SLC25A21: variants seen among roughly 807,000 people sequenced by gnomAD.
SLC25A21 encodes the protein mitochondrial 2-oxodicarboxylate carrier.
Under a neutral mutation model 43.8 loss-of-function variants are expected in SLC25A21, and 47 were observed. That is an observed-to-expected ratio of 1.07 (90% CI 0.85 to 1.37). SLC25A21 has a LOEUF of 1.37. SLC25A21 is among the 40% of genes most tolerant of loss of function. The pLI, the probability that SLC25A21 is intolerant of heterozygous loss-of-function variation, is 0.00. For synonymous variants in SLC25A21, 131 were observed against 121.3 expected, an observed-to-expected ratio of 1.08 and a Z score of -0.52; for missense variants, 352 against 350.2, an observed-to-expected ratio of 1.00 and a Z score of -0.04.
chr14:36,759,133 G>A (rs750632978), intron 3 of SLC25A21, among the ~76,000 whole-genome samples: 6 of 152,132 alleles, frequency 3.9e-5, no homozygotes, highest in Non-Finnish European at 8.8e-5. Context: ...CACAACTCTT[G>A]TAGGATTTTT....
intron 1 of SLC25A21, among the ~76,000 whole-genome samples, chr14:37,043,790 G>A (rs1476046430): frequency 3.9e-5 from 6 of 152,026 alleles, no homozygotes; most frequent in Non-Finnish European, 8.8e-5. Context: ...AGGCTGGAGT[G>A]CAGTGACAAT....
At chr14:37,066,148 T>C (rs1298019755) in intron 1 of SLC25A21, among the ~76,000 whole-genome samples, 7 of 152,152 alleles carry the variant, frequency 4.6e-5, no homozygotes, top group East Asian at 1.9e-4. Context: ...CTTCCAGATA[T>C]GACACTCGGA....
intron 1 of SLC25A21, among the ~76,000 whole-genome samples, chr14:36,989,703 G>A (rs900525534): frequency 4.6e-5 from 7 of 151,918 alleles, no homozygotes; most frequent in Admixed American, 3.3e-4. Context: ...CTAAAATATC[G>A]CTTAACGGCC....
At chr14:37,114,553 C>T (rs17106338) in intron 1 of SLC25A21, among the ~76,000 whole-genome samples, 3,014 of 152,208 alleles carry the variant, frequency 0.02, 34 homozygotes, top group Non-Finnish European at 0.026. Flanking sequence ...TAGTAAAACA[C>T]GCTATTTTTA....
chr14:36,869,942 T>C (rs1405105803), intron 2 of SLC25A21, among the ~76,000 whole-genome samples: 1 of 152,056 alleles, frequency 6.6e-6, no homozygotes, highest in Non-Finnish European at 1.5e-5. Flanking sequence ...AGTTTGACAA[T>C]GTGGAAATAG....
chr14:36,936,103 G>C (rs1892416958), intron 1 of SLC25A21, among the ~76,000 whole-genome samples: 1 of 152,098 alleles, frequency 6.6e-6, no homozygotes, highest in Non-Finnish European at 1.5e-5. Flanking sequence ...CACAGAAGTT[G>C]AGACAGCACC....
At chr14:37,122,791 T>C (rs1341807626) in intron 1 of SLC25A21, among the ~76,000 whole-genome samples, 1 of 152,184 alleles carries the variant, frequency 6.6e-6, no homozygotes, top group Non-Finnish European at 1.5e-5. Context: ...AAATGTTTTA[T>C]TGACGTTCTT....
At chr14:36,790,126 C>A (rs1444628022) in intron 3 of SLC25A21, among the ~76,000 whole-genome samples, 1 of 150,390 alleles carries the variant, frequency 6.6e-6, no homozygotes, top group African/African-American at 2.5e-5. Flanking sequence ...TTGGCCCCAG[C>A]ATCTACAAGG....
At chr14:37,043,783 C>A (rs1961524819) in intron 1 of SLC25A21, among the ~76,000 whole-genome samples, 1 of 151,996 alleles carries the variant, frequency 6.6e-6, no homozygotes. Context: ...GTCTCCCAGG[C>A]TGGAGTGCAG....
chr14:37,069,272 T>C (rs1186914748), intron 1 of SLC25A21, among the ~76,000 whole-genome samples: 1 of 151,898 alleles, frequency 6.6e-6, no homozygotes, highest in Non-Finnish European at 1.5e-5. Flanking sequence ...GATTCAGGGG[T>C]GTGGTTTTCA....
At chr14:36,894,713 C>T (rs1003844634) in intron 1 of SLC25A21, among the ~76,000 whole-genome samples, 2 of 152,132 alleles carry the variant, frequency 1.3e-5, no homozygotes, top group African/African-American at 4.8e-5. Flanking sequence ...AGATACTTCC[C>T]ATCAATACCT....
At chr14:36,714,949 G>A (rs1884060869) in intron 6 of SLC25A21, among the ~76,000 whole-genome samples, 1 of 152,192 alleles carries the variant, frequency 6.6e-6, no homozygotes, top group Admixed American at 6.5e-5. Context: ...ACCTTGTAAT[G>A]TGGGCAGCTG....
intron 2 of SLC25A21, among the ~76,000 whole-genome samples, chr14:36,838,512 T>A (rs1325449437): frequency 1.3e-5 from 2 of 152,166 alleles, no homozygotes; most frequent in Non-Finnish European, 2.9e-5. Context: ...GAATGTGACT[T>A]CATGGTCTGT....
At position 37,003,105 on chromosome 14, in the gene SLC25A21, A is replaced by C. The variant is rs1163125525; in HGVS notation, c.71-128101T>G. ...CCACGGAAAATACCAAACCCTATAC[A>C]CACTACATCTTTTTCCTATACATAC... On this transcript the variant is annotated intron_variant, in intron 1 of 9. Coordinates refer to ENST00000331299, the MANE Select transcript of SLC25A21 (RefSeq NM_030631.4). Among the ~76,000 whole-genome samples the C allele has an allele frequency of 3.9e-5, 6 of 152,302 alleles. No individual in the cohort carries two copies. In the East Asian group the frequency reaches 1.2e-3, roughly 29 times the overall value.
intron 7 of SLC25A21, among the ~76,000 whole-genome samples, chr14:36,687,851 T>C (rs1174829293): frequency 6.6e-6 from 1 of 152,226 alleles, no homozygotes; most frequent in Non-Finnish European, 1.5e-5. Context: ...CTAGGATCTA[T>C]TCTTTGCAGT....
chr14:37,027,084 G>A (rs997149631), intron 1 of SLC25A21, among the ~76,000 whole-genome samples: 2 of 152,122 alleles, frequency 1.3e-5, no homozygotes, highest in Non-Finnish European at 2.9e-5. Context: ...TCATTGAGGG[G>A]AGCAGGGACA....
At chr14:36,775,385 G>A (rs758163490) in intron 3 of SLC25A21, among the ~76,000 whole-genome samples, 13 of 152,088 alleles carry the variant, frequency 8.5e-5, no homozygotes, top group Admixed American at 3.9e-4. Context: ...CAGCCCTCCC[G>A]AAAAAAATCG....
chr14:36,887,738 T>C lies in SLC25A21; in HGVS notation c.71-12734A>G, dbSNP rs187402033. ...ACTCCACACAAGACTTGCCCATTTC[T>C]GGGGACTCTGTTTGCTTTCTACCTC... On this transcript the variant is annotated intron_variant, in intron 1 of 9. Transcript: ENST00000331299. Among the ~76,000 whole-genome samples the C allele has an allele frequency of 4.8e-4, 73 of 152,302 alleles. No individual in the cohort carries two copies. In the East Asian group the frequency reaches 5.4e-3, roughly 11 times the overall value.
At chr14:37,105,132 A>G (rs1962886933) in intron 1 of SLC25A21, among the ~76,000 whole-genome samples, 1 of 152,190 alleles carries the variant, frequency 6.6e-6, no homozygotes, top group Non-Finnish European at 1.5e-5. Flanking sequence ...CAGAGGTGAA[A>G]TGAATGAACA....
Sources: allele counts gnomAD v4.1 joint callset (sites outside exome capture counted in the v4.1 genomes callset), GRCh38; gene constraint gnomAD v4.1.1; transcripts MANE v1.5; gene names NCBI Gene and HGNC (gene_info 2026-07-23, HGNC 2026-07-21).